The following NOS1AP variants were observed in gnomAD, a reference collection of about 807,000 sequenced individuals.
NOS1AP encodes the protein nitric oxide synthase 1 adaptor protein.
Under a neutral mutation model 56.2 loss-of-function variants are expected in NOS1AP, and 21 were observed. The ratio of observed to expected loss-of-function variants is 0.37; its 90% CI spans 0.26 to 0.54. The LOEUF is 0.54. Among genes scored for constraint, NOS1AP ranks in the 20% least tolerant of loss-of-function variants. The probability of loss-of-function intolerance (pLI) is 0.84; values close to 1 mark genes in which losing one functional copy is unlikely to be tolerated. For missense variants in NOS1AP, 522 were observed against 657.8 expected (o/e 0.79, Z 2.26); for synonymous variants, 270 against 274.6 (o/e 0.98, Z 0.17).
intron 2 of NOS1AP, among the ~76,000 whole-genome samples, chr1:162,180,540 G>A (rs1300197525): frequency 6.6e-6 from 1 of 152,180 alleles, no homozygotes; most frequent in African/African-American, 2.4e-5. Flanking sequence ...CACCGCGCCC[G>A]GCCAATGTGT....
intron 5 of NOS1AP, among the ~76,000 whole-genome samples, chr1:162,333,730 C>G (rs1656849719): frequency 6.6e-6 from 1 of 152,162 alleles, no homozygotes; most frequent in African/African-American, 2.4e-5. Context: ...GCGTTCTCAT[C>G]TATAAAATGA....
chr1:162,168,905 G>A (rs79901843), intron 2 of NOS1AP, among the ~76,000 whole-genome samples: 2,869 of 152,292 alleles, frequency 0.019, 104 homozygotes, highest in African/African-American at 0.065. Context: ...GCTTGGTTCA[G>A]GCCTGAATAC....
At chr1:162,296,052 C>T (rs576852658) in intron 3 of NOS1AP, among the ~76,000 whole-genome samples, 1 of 152,024 alleles carries the variant, frequency 6.6e-6, no homozygotes, top group Non-Finnish European at 1.5e-5. Context: ...TTTGGGAGGC[C>T]GAGGCAGGCG....
At chr1:162,289,714 A>G (rs1220049712) in intron 3 of NOS1AP, among the ~76,000 whole-genome samples, 1 of 152,022 alleles carries the variant, frequency 6.6e-6, no homozygotes, top group Admixed American at 6.6e-5. Flanking sequence ...ACCTCAGCTT[A>G]TCCACCCACC....
At chr1:162,247,573 G>A (rs1270884966) in intron 2 of NOS1AP, among the ~76,000 whole-genome samples, 1 of 152,136 alleles carries the variant, frequency 6.6e-6, no homozygotes, top group Non-Finnish European at 1.5e-5. Flanking sequence ...TTTTTGGACT[G>A]GGGTAATAGC....
chr1:162,238,968 G>A (rs1351801331), intron 2 of NOS1AP, among the ~76,000 whole-genome samples: 1 of 152,174 alleles, frequency 6.6e-6, no homozygotes, highest in Non-Finnish European at 1.5e-5. Context: ...GAAGAGTTTG[G>A]TAAGTTAATC....
rs569992860 is a variant in NOS1AP, at chr1:162,221,519, C to G, written c.178-65825C>G. On this transcript the variant is annotated intron_variant, in intron 2 of 9. Transcript: ENST00000361897. ...TTCTTTTTTTAATGCAACACACACA[C>G]GCACACACACGCGCGCACACACACA... Among the ~76,000 whole-genome samples the G allele has an allele frequency of 2.7e-5, 3 of 112,404 alleles. No individual in the cohort carries two copies. The Admixed American group carries it at 3.2e-4, about 12-fold the overall frequency. 73.7% of individuals were successfully genotyped at this position (112,404 alleles called of 152,430 possible).
intron 2 of NOS1AP, among the ~76,000 whole-genome samples, chr1:162,244,325 G>C (rs1271980446): frequency 2.0e-5 from 3 of 152,266 alleles, no homozygotes; most frequent in Middle Eastern, 3.4e-3. Flanking sequence ...CATTCTCAAG[G>C]ACTGTTCTCT....
chr1:162,190,589 C>T (rs1260012378), intron 2 of NOS1AP, among the ~76,000 whole-genome samples: 2 of 140,944 alleles, frequency 1.4e-5, no homozygotes, highest in African/African-American at 4.9e-5. Context: ...TAATCTCAAA[C>T]ATTTATCATT....
chr1:162,146,895 T>G (rs1419360273), intron 1 of NOS1AP, among the ~76,000 whole-genome samples: 1 of 152,212 alleles, frequency 6.6e-6, no homozygotes, highest in Non-Finnish European at 1.5e-5. Flanking sequence ...TGTGGTTCAC[T>G]TTTTGTGTCC....
At chr1:162,085,434 G>A (rs1331623710) in intron 1 of NOS1AP, among the ~76,000 whole-genome samples, 4 of 152,136 alleles carry the variant, frequency 2.6e-5, no homozygotes. Flanking sequence ...AAACATTGGA[G>A]CAGGCAAAGG....
At chr1:162,107,928 T>C (rs879668142) in intron 1 of NOS1AP, among the ~76,000 whole-genome samples, 6 of 151,928 alleles carry the variant, frequency 3.9e-5, no homozygotes, top group Non-Finnish European at 7.4e-5. Context: ...ATTATATTTA[T>C]AGGAGGAAGG....
At chr1:162,120,114 A>G (rs180987345) in intron 1 of NOS1AP, among the ~76,000 whole-genome samples, 3 of 100,342 alleles carry the variant, frequency 3.0e-5, no homozygotes, top group Non-Finnish European at 4.4e-5. Flanking sequence ...ACACATGTAT[A>G]TGTATATGAT....
At chr1:162,364,828 A>G (rs1403437475) in intron 8 of NOS1AP, 8 of 987,896 alleles carry the variant, frequency 8.1e-6, no homozygotes, top group Non-Finnish European at 2.4e-6. Context: ...TCACTAATTT[A>G]AAAAGCCATG....
At chr1:162,257,006 T>C (rs572211480) in intron 2 of NOS1AP, among the ~76,000 whole-genome samples, 1 of 152,302 alleles carries the variant, frequency 6.6e-6, no homozygotes, top group African/African-American at 2.4e-5. Flanking sequence ...AAACTGACTT[T>C]TGTTCAGGCC....
At chr1:162,145,017 T>G (rs568970812) in intron 1 of NOS1AP, among the ~76,000 whole-genome samples, 2 of 152,322 alleles carry the variant, frequency 1.3e-5, no homozygotes, top group African/African-American at 2.4e-5. Flanking sequence ...CCCCTTAATG[T>G]TGAGGAGCAG....
chr1:162,119,235 AG>A (rs1648101817), intron 1 of NOS1AP, among the ~76,000 whole-genome samples: 1 of 152,190 alleles, frequency 6.6e-6, no homozygotes, highest in African/African-American at 2.4e-5. Context: ...AATAGCAGCA[AG>A]AGCTCTGGAG....
intron 6 of NOS1AP, among the ~76,000 whole-genome samples, chr1:162,347,058 C>A (rs915784513): frequency 2.0e-5 from 3 of 152,144 alleles, no homozygotes; most frequent in Non-Finnish European, 4.4e-5. Flanking sequence ...ATTTTTAGAG[C>A]GTAATGGTGA....
At chr1:162,249,482 T>C (rs1653780943) in intron 2 of NOS1AP, among the ~76,000 whole-genome samples, 1 of 152,182 alleles carries the variant, frequency 6.6e-6, no homozygotes. Flanking sequence ...ATGCAGCAGT[T>C]TTGTTACTTC....
Sources: allele counts gnomAD v4.1 joint callset (sites outside exome capture counted in the v4.1 genomes callset), GRCh38; gene constraint gnomAD v4.1.1; transcripts MANE v1.5; gene names NCBI Gene and HGNC (gene_info 2026-07-23, HGNC 2026-07-21).